The following ARHGAP39 variants were observed in gnomAD, a reference collection of about 807,000 sequenced individuals.
The protein encoded by ARHGAP39 is rho GTPase-activating protein 39.
ARHGAP39 carries 44 observed loss-of-function variants against 106.9 expected under a neutral mutation model. The observed-to-expected ratio is 0.41, with a 90% confidence interval of 0.32 to 0.53. ARHGAP39 has a LOEUF of 0.53. Ranked by LOEUF, ARHGAP39 falls within the 20% of genes least tolerant of loss-of-function variation. The pLI is 0.21. For synonymous variants in ARHGAP39, 768 were observed against 693.2 expected (o/e 1.11, Z -1.69); for missense variants, 1,496 against 1,577.3 (o/e 0.95, Z 0.87).
chr8:144,611,529 T>G (rs1203927023), intron 1 of ARHGAP39, among the ~76,000 whole-genome samples: 1 of 151,188 alleles, frequency 6.6e-6, no homozygotes, highest in East Asian at 1.9e-4. Context: ...GCTCTGTTAT[T>G]AGGTGCATAC....
Position 144,533,113 on chromosome 8 carries a change from G to A in ARHGAP39, c.2888+13C>T, listed in dbSNP as rs771555451. 2.5e-6 allele frequency: 4 copies of A among 1,593,470 alleles called. No individual in the cohort carries two copies. The highest frequency in any genetic ancestry group is 1.3e-5 in the African/African-American group (1 of 74,844). On this transcript the variant is annotated intron_variant, in intron 9 of 11. Transcript: ENST00000377307. ...GTGGCCCCCACACCCGGCGCCCGGG[G>A]TTGCCGTGGCACCTGAAGATGCCCT...
At chr8:144,603,998 C>T (rs976106282) in intron 2 of ARHGAP39, among the ~76,000 whole-genome samples, 5 of 152,256 alleles carry the variant, frequency 3.3e-5, no homozygotes, top group Admixed American at 1.3e-4. Context: ...ACGGAGCTCA[C>T]AGCCCACATC....
intron 3 of ARHGAP39, among the ~76,000 whole-genome samples, chr8:144,578,174 T>A (rs1818842581): frequency 6.6e-6 from 1 of 152,204 alleles, no homozygotes; most frequent in African/African-American, 2.4e-5. Context: ...GGGATATGGA[T>A]CAATGCAAAT....
In ARHGAP39 at chr8:144,530,828, C is replaced by G. The variant is rs895886873; in HGVS notation, c.3024G>C (p.Leu1008=). The change falls in exon 11 of 12, where the codon CTG becomes CTC. Residue 1008 remains leucine (L), a synonymous_variant. Transcript: ENST00000377307. ...KLWYRELEEP[L]IPHEFYEQCI... ...ACTGCTCGTAGAACTCGTGCGGGAT[C>G]AGGGGCTCCTCCAGCTCCCGGTACC... The G allele has an allele frequency of 6.2e-7, 1 of 1,611,394 alleles. No homozygotes were observed. The highest frequency in any genetic ancestry group is 8.5e-7 in the Non-Finnish European group (1 of 1,179,678).
At chr8:144,659,410 T>C (rs572788608) in intron 1 of ARHGAP39, among the ~76,000 whole-genome samples, 18 of 152,354 alleles carry the variant, frequency 1.2e-4, no homozygotes, top group South Asian at 2.1e-4. Flanking sequence ...TCAATCGTTT[T>C]TGACCTACAA....
chr8:144,544,131 G>A (rs980587923), intron 6 of ARHGAP39, among the ~76,000 whole-genome samples: 2 of 152,152 alleles, frequency 1.3e-5, no homozygotes, highest in African/African-American at 4.8e-5. Context: ...CTGGAGCCCC[G>A]GCCACCTGCC....
intron 4 of ARHGAP39, among the ~76,000 whole-genome samples, chr8:144,549,730 T>C (rs1245477093): frequency 6.6e-6 from 1 of 152,102 alleles, no homozygotes; most frequent in East Asian, 1.9e-4. Flanking sequence ...CCTGACCTCC[T>C]GATCCGCCTG....
Position 144,537,821 on chromosome 8 carries a change from G to A in ARHGAP39, c.2522-8C>T. 6.2e-7 allele frequency: 1 copy of A among 1,613,202 alleles called. No homozygotes were observed. Among genetic ancestry groups the A allele is most frequent in the Non-Finnish European group, 8.5e-7 (1 of 1,179,292 alleles). ...CTTTTATGTGCTGTGTCACTGGGGA[G>A]CAAAGACAACCATCAGCACGACAGA... On this transcript the variant is annotated splice_polypyrimidine_tract_variant and splice_region_variant and intron_variant, in intron 6 of 11. Coordinates refer to ENST00000377307, the MANE Select transcript of ARHGAP39 (RefSeq NM_025251.3).
rs1269862934 is a variant in ARHGAP39, at chr8:144,529,418, A to G, written c.*1004T>C. ...CAACAATTGGAACTCAAAATTCCAA[A>G]ATGGAAAATGTACAAACTCGGTCCC... On this transcript the variant is annotated 3_prime_UTR_variant, in exon 12 of 12. Coordinates refer to ENST00000377307, the MANE Select transcript of ARHGAP39 (RefSeq NM_025251.3). The G allele has an allele frequency of 6.6e-6, 1 of 152,080 alleles. No homozygotes were observed. The highest frequency in any genetic ancestry group is 1.5e-5 in the Non-Finnish European group (1 of 68,000). 9.4% of individuals were successfully genotyped at this position (152,080 alleles called of 1,614,324 possible).
chr8:144,622,145 G>A (rs1372539705), intron 1 of ARHGAP39, among the ~76,000 whole-genome samples: 4 of 152,134 alleles, frequency 2.6e-5, no homozygotes, highest in African/African-American at 9.7e-5. Flanking sequence ...GCCAGCAGCG[G>A]GACACAGGCA....
chr8:144,597,051 G>A (rs1006168830), intron 2 of ARHGAP39, among the ~76,000 whole-genome samples: 2 of 152,188 alleles, frequency 1.3e-5, no homozygotes, highest in African/African-American at 4.8e-5. Flanking sequence ...GAGGAGCTGC[G>A]GGAACTCCCT....
intron 1 of ARHGAP39, among the ~76,000 whole-genome samples, chr8:144,660,166 C>T (rs1406022154): frequency 6.6e-6 from 1 of 152,180 alleles, no homozygotes; most frequent in Non-Finnish European, 1.5e-5. Flanking sequence ...TCCTCCTGGA[C>T]CCTAGGTCTC....
Position 144,529,181 on chromosome 8 carries a change from G to A in ARHGAP39, c.*1241C>T. On this transcript the variant is annotated 3_prime_UTR_variant, in exon 12 of 12. Coordinates refer to ENST00000377307, the MANE Select transcript of ARHGAP39 (RefSeq NM_025251.3). ...CCCACAAGGAACGGGAGGACGCGCA[G>A]GGTCCATGTGCACTTTATTCACTCG... The A allele has an allele frequency of 2.5e-6, 1 of 395,034 alleles. No individual in the cohort carries two copies. The highest frequency in any genetic ancestry group is 4.7e-5 in the South Asian group (1 of 21,282). The allele number at this position is 395,034 out of a possible 1,614,324, so 24.5% of individuals were successfully genotyped here.
At chr8:144,685,232 A>G (rs1822552757) in intron 1 of ARHGAP39, among the ~76,000 whole-genome samples, 3 of 144,442 alleles carry the variant, frequency 2.1e-5, no homozygotes, top group South Asian at 4.5e-4. Flanking sequence ...GCACACTCAT[A>G]CCCACCGTGG....
At chr8:144,681,236 G>A (rs535463349) in intron 1 of ARHGAP39, among the ~76,000 whole-genome samples, 21 of 152,306 alleles carry the variant, frequency 1.4e-4, no homozygotes, top group Non-Finnish European at 2.8e-4. Context: ...GAGACAGCCA[G>A]TGTCAGAGGG....
intron 4 of ARHGAP39, among the ~76,000 whole-genome samples, chr8:144,549,198 G>A (rs758610929): frequency 2.0e-5 from 3 of 152,252 alleles, no homozygotes; most frequent in Non-Finnish European, 2.9e-5. Context: ...ATATGCAGAC[G>A]CAATGCCCAC....
the ARHGAP39 span, among the ~76,000 whole-genome samples, chr8:144,692,942 A>G: frequency 6.8e-6 from 1 of 148,024 alleles, no homozygotes; most frequent in African/African-American, 2.5e-5. Flanking sequence ...TATTTTTGGT[A>G]GAGATGGGGT....
chr8:144,593,439 C>T (rs771881771), intron 2 of ARHGAP39, among the ~76,000 whole-genome samples: 13 of 152,102 alleles, frequency 8.5e-5, no homozygotes, highest in East Asian at 1.9e-4. Flanking sequence ...CCAAAGTAGA[C>T]GAAAGGTCTC....
chr8:144,558,246 GATATGACT>G (rs892477394), intron 3 of ARHGAP39, among the ~76,000 whole-genome samples: 2 of 152,138 alleles, frequency 1.3e-5, no homozygotes, highest in Admixed American at 6.5e-5. Flanking sequence ...TAAATATAAA[GATATGACT>G]TCTTTTTAAA....
Sources: allele counts gnomAD v4.1 joint callset (sites outside exome capture counted in the v4.1 genomes callset), GRCh38; gene constraint gnomAD v4.1.1; transcripts MANE v1.5; gene names NCBI Gene and HGNC (gene_info 2026-07-23, HGNC 2026-07-21).